The following HHLA1 variants were observed in gnomAD, a reference collection of about 807,000 sequenced individuals.
HHLA1 encodes HHLA1 neighbor of OC90, also known as HERV-H LTR-associating protein 1.
HHLA1 carries 72 observed loss-of-function variants against 69.9 expected under a neutral mutation model. The ratio of observed to expected loss-of-function variants is 1.03; its 90% CI spans 0.85 to 1.25. HHLA1 has a LOEUF of 1.25. Among genes scored for constraint, HHLA1 ranks in the 50% most tolerant of loss-of-function variants. The pLI is 0.00. For missense variants in HHLA1, 685 were observed against 642.2 expected, an observed-to-expected ratio of 1.07 and a Z score of -0.72; for synonymous variants, 252 against 233.2, an observed-to-expected ratio of 1.08 and a Z score of -0.73.
intron 3 of HHLA1, among the ~76,000 whole-genome samples, chr8:132,100,916 G>T (rs753488733): frequency 6.6e-6 from 1 of 152,202 alleles, no homozygotes; most frequent in African/African-American, 2.4e-5. Context: ...TTGTAACTAC[G>T]ACTGTTGGAG....
At chr8:132,076,567 G>A (rs1823648432) in intron 12 of HHLA1, 24 bp from the exon 13 acceptor site, 5 of 1,475,316 alleles carry the variant, frequency 3.4e-6, no homozygotes, top group South Asian at 1.4e-5. Flanking sequence ...AGAGAGAGGT[G>A]AGCCTGCATC....
chr8:132,105,128 A>G (rs1824182386), intron 2 of HHLA1, 59 bp downstream of exon 2: 2 of 1,293,766 alleles, frequency 1.5e-6, no homozygotes, highest in Non-Finnish European at 2.2e-6. Flanking sequence ...TCTAAAGCAC[A>G]GTGAATACTC....
intron 10 of HHLA1, among the ~76,000 whole-genome samples, chr8:132,082,584 G>T (rs1823774949): frequency 1.3e-5 from 2 of 152,098 alleles, no homozygotes; most frequent in Non-Finnish European, 2.9e-5. Context: ...TGAAGTAATG[G>T]GGGCTGTCTG....
At chr8:132,088,826 AG>A (rs1464511981) in intron 8 of HHLA1, among the ~76,000 whole-genome samples, 1 of 152,226 alleles carries the variant, frequency 6.6e-6, no homozygotes, top group Non-Finnish European at 1.5e-5. Flanking sequence ...GGATAAATAT[AG>A]TAGCTGCCCC....
chr8:132,100,189 C>T, intron 3 of HHLA1, 55 bp from the exon 4 acceptor site: 8 of 1,332,462 alleles, frequency 6.0e-6, no homozygotes, highest in Non-Finnish European at 8.4e-6. Context: ...TTCCTACCCC[C>T]AGGAATGGAA....
Position 132,076,097 on chromosome 8 carries a change from C to G in HHLA1, c.1273G>C (p.Gly425Arg). ...CTTGGGACCAGGACTGGCTCTTCAC[C>G]AGCAGTGAATGGCCACTCTGCAGAG... ...DLSAEWPFTA[G>R]EEPVLVPRPH... The change falls in exon 14 of 17, where the codon GGT becomes CGT. Residue 425 changes from glycine to arginine, a missense_variant. Gly to Arg is a moderately radical substitution (Grantham distance 125, BLOSUM62 -2). Coordinates refer to ENST00000414222, the MANE Select transcript of HHLA1 (RefSeq NM_001145095.3). The G allele has an allele frequency of 6.4e-7, 1 of 1,551,374 alleles. No individual in the cohort carries two copies. Among genetic ancestry groups the G allele is most frequent in the Non-Finnish European group, 8.7e-7 (1 of 1,146,924 alleles).
In HHLA1 at chr8:132,061,481, T is replaced by C. The variant is rs1339302655; in HGVS notation, c.*2514A>G. ...AATAAACAGAAATGTGCCTGCACCT[T>C]TGCTACCTGGAAGAATGAAGTTTAA... On this transcript the variant is annotated 3_prime_UTR_variant, in exon 17 of 17. Coordinates refer to ENST00000414222, the MANE Select transcript of HHLA1 (RefSeq NM_001145095.3). 1.3e-5 allele frequency: 2 copies of C among 152,178 alleles called. No individual in the cohort carries two copies. Among genetic ancestry groups the C allele is most frequent in the Non-Finnish European group, 2.9e-5 (2 of 68,036 alleles). The allele number at this position is 152,178 out of a possible 1,614,324, so 9.4% of individuals were successfully genotyped here. A position where few individuals can be genotyped will look rare whatever the true frequency, so the allele number is the denominator to read the frequency against.
intron 1 of HHLA1, among the ~76,000 whole-genome samples, 195 bp from the exon 2 acceptor site, chr8:132,105,481 T>C (rs2130901919): frequency 6.6e-6 from 1 of 152,362 alleles, no homozygotes; most frequent in South Asian, 2.1e-4. Flanking sequence ...ATTTCTTGTT[T>C]GCAGTATATA....
At chr8:132,101,106 T>C (rs1445517297) in intron 3 of HHLA1, 5 of 1,445,190 alleles carry the variant, frequency 3.5e-6, no homozygotes, top group African/African-American at 2.9e-5. Context: ...CAACAATAGG[T>C]ACCAGCAGGA....
chr8:132,072,078 A>G (rs577130328), intron 14 of HHLA1, among the ~76,000 whole-genome samples: 1 of 152,288 alleles, frequency 6.6e-6, no homozygotes, highest in Admixed American at 6.5e-5. Context: ...ATGCTGGGTC[A>G]CTGGAGAGTC....
intron 14 of HHLA1, among the ~76,000 whole-genome samples, chr8:132,074,174 C>A (rs1009712800): frequency 6.6e-6 from 1 of 152,190 alleles, no homozygotes; most frequent in Non-Finnish European, 1.5e-5. Flanking sequence ...TTAAGCTATG[C>A]CTTTGCTTAG....
chr8:132,092,379 T>C (rs761056427), intron 7 of HHLA1, among the ~76,000 whole-genome samples: 2 of 152,182 alleles, frequency 1.3e-5, no homozygotes, highest in Non-Finnish European at 2.9e-5. Flanking sequence ...TGTGCATGCC[T>C]TCTGGGATGG....
intron 10 of HHLA1, chr8:132,080,349 A>G (rs981617065): frequency 2.8e-6 from 1 of 353,426 alleles, no homozygotes; most frequent in Non-Finnish European, 5.5e-6. Flanking sequence ...CAGTGAAGGG[A>G]GATAAGGGTG....
chr8:132,089,638 G>T, intron 7 of HHLA1, 39 bp from the exon 8 acceptor site: 1 of 945,140 alleles, frequency 1.1e-6, no homozygotes, highest in South Asian at 1.4e-5. Flanking sequence ...TTCTGCTTCA[G>T]AGACAAAAGG....
intron 10 of HHLA1, among the ~76,000 whole-genome samples, chr8:132,082,399 T>A (rs1156531718): frequency 6.6e-6 from 1 of 152,182 alleles, no homozygotes; most frequent in Non-Finnish European, 1.5e-5. Flanking sequence ...GTCCTGGCTC[T>A]TGTGTAAGAA....
At chr8:132,080,526 G>C (rs1823733301) in intron 10 of HHLA1, 1 of 221,814 alleles carries the variant, frequency 4.5e-6, no homozygotes, top group Non-Finnish European at 8.9e-6. Context: ...GTTAAGGCAA[G>C]GACCAGCCAT....
chr8:132,086,748 T>A (rs1823871064), intron 10 of HHLA1, among the ~76,000 whole-genome samples: 1 of 152,224 alleles, frequency 6.6e-6, no homozygotes, highest in African/African-American at 2.4e-5. Context: ...CCATTTCATC[T>A]TCTTATCAAG....
chr8:132,095,914 A>G, intron 5 of HHLA1, 128 bp from the exon 6 acceptor site: 1 of 580,020 alleles, frequency 1.7e-6, no homozygotes, highest in Non-Finnish European at 3.0e-6. Context: ...AAAGAAACAA[A>G]CAAAAAAGTA....
At chr8:132,080,583 G>A (rs1477684905) in intron 10 of HHLA1, 1 of 170,654 alleles carries the variant, frequency 5.9e-6, no homozygotes. Context: ...GTGGGGCAGG[G>A]CATATTCACT....
Sources: allele counts gnomAD v4.1 joint callset (sites outside exome capture counted in the v4.1 genomes callset), GRCh38; gene constraint gnomAD v4.1.1; transcripts MANE v1.5; gene names NCBI Gene and HGNC (gene_info 2026-07-23, HGNC 2026-07-21).